Variants in TPX2 observed in about 807,000 individuals in gnomAD.
TPX2 encodes targeting protein for Xklp2.
A neutral mutation model predicts 93.6 loss-of-function variants in TPX2; 21 were observed. The ratio of observed to expected loss-of-function variants is 0.22; its 90% confidence interval spans 0.16 to 0.32. The LOEUF (loss-of-function observed/expected upper bound fraction) is 0.32, where lower values mean the gene tolerates loss of function less well. Ranked by LOEUF, TPX2 falls within the 10% of genes least tolerant of loss-of-function variation. The probability of loss-of-function intolerance (pLI) is 1.00; values close to 1 mark genes in which losing one functional copy is unlikely to be tolerated. For missense variants in TPX2, 776 were observed against 871.1 expected (o/e 0.89, Z 1.37); for synonymous variants, 281 against 298.3 (o/e 0.94, Z 0.60).
In TPX2 at chr20:31,776,050, G is replaced by GTTTTTTTTTT. The variant is rs10528470; in HGVS notation, c.730+94_730+103dup. 2.7e-4 allele frequency: 91 copies of GTTTTTTTTTT among 331,410 alleles called. 13 individuals carry two copies. The highest frequency in any genetic ancestry group is 1.2e-3 in the East Asian group (4 of 3,208). The allele number at this position is 331,410 out of a possible 1,614,324, so 20.5% of individuals were successfully genotyped here. A position where few individuals can be genotyped will look rare whatever the true frequency, so the allele number is the denominator to read the frequency against. The stretch of plus-strand genomic sequence containing the variant: ...GTGGTTCTTAACACTCTTGGTAGGT[G>GTTTTTTTTTT]TTTTTTTTTTTTTTTTTTTTTTTTT... On this transcript the variant is annotated intron_variant, in intron 8 of 17. Coordinates refer to ENST00000300403, the MANE Select transcript of TPX2 (RefSeq NM_012112.5).
At chr20:31,780,870 G>A (rs1351410969) in intron 10 of TPX2, 5 of 344,578 alleles carry the variant, frequency 1.5e-5, no homozygotes, top group Admixed American at 4.2e-5. Context: ...CATAAAATTG[G>A]GAGTTTTCAC....
chr20:31,752,439 C>T (rs912929181), intron 2 of TPX2, among the ~76,000 whole-genome samples: 5 of 152,174 alleles, frequency 3.3e-5, no homozygotes, highest in Non-Finnish European at 7.3e-5. Context: ...CTGTTTTGGT[C>T]ATGGTCAATG....
At position 31,777,515 on chromosome 20, in the gene TPX2, G is replaced by A. The variant is rs2062008169; in HGVS notation, c.759G>A (p.Gln253=). 3.1e-6 allele frequency: 5 copies of A among 1,613,970 alleles called. No homozygotes were observed. The Middle Eastern group carries it at 6.6e-4, about 213-fold the overall frequency. ...AACCTGTGAAGAAATCAGTGAGCCA[G>A]GTCACCAAATCAGTTGACTTCCACT... is the stretch of plus-strand genomic sequence containing the variant. ...IGQPVKKSVS[Q]VTKSVDFHFR... is the part of the protein sequence containing the mutation. The change falls in exon 9 of 18, where the codon CAG becomes CAA. Residue 253 remains glutamine (Q), a synonymous_variant. Coordinates refer to ENST00000300403, the MANE Select transcript of TPX2 (RefSeq NM_012112.5).
Position 31,793,812 on chromosome 20 carries a change from A to G in TPX2, c.1510-36A>G, listed in dbSNP as rs188632451. The G allele has an allele frequency of 4.6e-6, 7 of 1,523,898 alleles. No individual in the cohort carries two copies. In the Admixed American group the frequency reaches 1.0e-4, roughly 23 times the overall value. 94.4% of individuals were successfully genotyped at this position (1,523,898 alleles called of 1,614,324 possible). The stretch of plus-strand genomic sequence containing the variant: ...CATTCTGGGGAAGTTGGAGAGAGTG[A>G]GGAGTCTTATTTCTAAACTGCAATT... On this transcript the variant is annotated intron_variant, in intron 13 of 17. Transcript: ENST00000300403.
At position 31,792,870 on chromosome 20, in the gene TPX2, A is replaced by G. The variant is rs764871750; in HGVS notation, c.1509+40A>G. ...GTAGGGGGGTTCTTTTTCCTTCTATATAGTCAGTCAATCTAAGCCTTATCA... is the reference window on the plus strand; with the variant it reads ...GTAGGGGGGTTCTTTTTCCTTCTATGTAGTCAGTCAATCTAAGCCTTATCA... On this transcript the variant is annotated intron_variant, in intron 13 of 17. Transcript: ENST00000300403. 15 of 1,555,194 alleles carry G rather than the reference A, an allele frequency of 9.6e-6. No homozygotes were observed. In the Admixed American group the frequency reaches 1.5e-4, roughly 16 times the overall value.
chr20:31,749,070 C>T (rs543909178), intron 2 of TPX2, among the ~76,000 whole-genome samples: 87 of 151,936 alleles, frequency 5.7e-4, no homozygotes, highest in South Asian at 1.7e-3. Context: ...CTCAGCCTCC[C>T]GAGTAGCTGG....
At chr20:31,767,497 C>G (rs963026071) in intron 5 of TPX2, among the ~76,000 whole-genome samples, 2 of 152,062 alleles carry the variant, frequency 1.3e-5, no homozygotes, top group Non-Finnish European at 1.5e-5. Context: ...CTCAGCCTCC[C>G]AAAGTGCTGA....
chr20:31,771,546 C>T lies in TPX2; in HGVS notation c.486-14C>T, dbSNP rs1568587933. ...GGGAATTGAAAACATATTTTTTGTC[C>T]TTTTGAACTCAAGTTCTAACAACAA... On this transcript the variant is annotated splice_polypyrimidine_tract_variant and intron_variant, in intron 6 of 17. Transcript: ENST00000300403. The T allele has an allele frequency of 5.6e-6, 9 of 1,607,262 alleles. No homozygotes were observed. Among genetic ancestry groups the T allele is most frequent in the Non-Finnish European group, 7.6e-6 (9 of 1,178,130 alleles).
chr20:31,756,204 T>C (rs1214682718), intron 2 of TPX2, among the ~76,000 whole-genome samples: 2 of 152,238 alleles, frequency 1.3e-5, no homozygotes, highest in Non-Finnish European at 2.9e-5. Context: ...GAGTAAAATC[T>C]ATCTTTGTTT....
In TPX2 at chr20:31,798,336, AC is replaced by A. The variant is rs770560224; in HGVS notation, c.1946-27del. The A allele has an allele frequency of 1.9e-6, 3 of 1,613,586 alleles. No homozygotes were observed. In the Admixed American group the frequency reaches 5.0e-5, roughly 27 times the overall value. On this transcript the variant is annotated intron_variant, in intron 16 of 17. Transcript: ENST00000300403. Reference sequence around the variant, plus strand: ...AGGTTTATGCAAGTCCTGCTTGTGCACCAATATTTTTTCTGTTTCTGTACTT... The same window carrying A: ...AGGTTTATGCAAGTCCTGCTTGTGCACAATATTTTTTCTGTTTCTGTACTT...
chr20:31,759,072 T>TTAATTTAATATATTA (rs1249731229), intron 3 of TPX2, among the ~76,000 whole-genome samples: 1 of 152,180 alleles, frequency 6.6e-6, no homozygotes, highest in East Asian at 1.9e-4. Flanking sequence ...TTTAATATAT[T>TTAATTTAATATATTA]ACTTTCCAAT....
At position 31,792,716 on chromosome 20, in the gene TPX2, A is replaced by G; in HGVS notation, c.1414-19A>G. ...GAGATCATTTTGTGATATCTAATTG[A>G]GTTGCTTACTCCTTTCAGGGTGTTC... On this transcript the variant is annotated intron_variant, in intron 12 of 17. Transcript: ENST00000300403. 6.3e-7 allele frequency: 1 copy of G among 1,598,200 alleles called. No individual in the cohort carries two copies.
chr20:31,771,501 A>T, intron 6 of TPX2, 59 bp from the exon 7 acceptor site: 4 of 1,559,042 alleles, frequency 2.6e-6, no homozygotes, highest in Non-Finnish European at 3.5e-6. Context: ...TTTGGGGAGG[A>T]GGGTACAGGC....
At chr20:31,764,056 CATACACACATATAT>C (rs1366308848) in intron 4 of TPX2, among the ~76,000 whole-genome samples, 2 of 151,680 alleles carry the variant, frequency 1.3e-5, no homozygotes, top group East Asian at 1.9e-4. Context: ...TACACACACA[CATACACACATATAT>C]ATACACACAA....
chr20:31,792,680 A>G, intron 12 of TPX2, 55 bp from the exon 13 acceptor site: 3 of 1,482,056 alleles, frequency 2.0e-6, no homozygotes, highest in Non-Finnish European at 2.8e-6. Flanking sequence ...ATCTTCTCAT[A>G]CAGCTTAGTG....
At chr20:31,755,784 C>A (rs532154593) in intron 2 of TPX2, among the ~76,000 whole-genome samples, 2 of 151,854 alleles carry the variant, frequency 1.3e-5, no homozygotes, top group Non-Finnish European at 2.9e-5. Context: ...AGACAAATGG[C>A]TCATTGGGTT....
chr20:31,793,769 T>G (rs2062117411), intron 13 of TPX2, 79 bp from the exon 14 acceptor site: 1 of 1,325,688 alleles, frequency 7.5e-7, no homozygotes. Context: ...CATATTAATA[T>G]AATGTCTTCT....
intron 2 of TPX2, among the ~76,000 whole-genome samples, chr20:31,750,289 C>T (rs957037610): frequency 2.0e-5 from 3 of 152,000 alleles, no homozygotes; most frequent in Admixed American, 2.0e-4. Flanking sequence ...TCCCAAGTAG[C>T]TGGGATTACA....
chr20:31,775,335 T>A (rs866586814), intron 7 of TPX2, among the ~76,000 whole-genome samples: 1 of 152,152 alleles, frequency 6.6e-6, no homozygotes, highest in African/African-American at 2.4e-5. Flanking sequence ...TCTTCTGAAA[T>A]TTTTTCAGTA....
Sources: gnomAD v4.1 joint callset for allele counts (sites outside exome capture counted in the v4.1 genomes callset) on GRCh38, gnomAD v4.1.1 for gene constraint, MANE v1.5 for transcripts, NCBI Gene and HGNC (gene_info 2026-07-23, HGNC 2026-07-21) for gene names.